The following RCBTB1 variants were observed in gnomAD, a reference collection of about 807,000 sequenced individuals.
The protein encoded by RCBTB1 is RCC1 and BTB domain-containing protein 1.
RCBTB1 carries 46 observed loss-of-function variants against 62.4 expected under a neutral mutation model. The ratio of observed to expected loss-of-function variants is 0.74; its 90% CI spans 0.58 to 0.94. The LOEUF is 0.94. Among genes scored for constraint, RCBTB1 ranks in the 40% least tolerant of loss-of-function variants. The pLI is 0.00. For missense variants in RCBTB1, 565 were observed against 654.9 expected, an observed-to-expected ratio of 0.86 and a Z score of 1.50; for synonymous variants, 222 against 245.8, an observed-to-expected ratio of 0.90 and a Z score of 0.91.
chr13:49,567,252 A>G lies in RCBTB1; in HGVS notation c.28T>C (p.Phe10Leu), dbSNP rs368583726. Residue 10 changes from phenylalanine (F) to leucine (L), a missense_variant, in exon 3 of 13, where the codon TTC becomes CTC. Transcript: ENST00000378302. MVDVGKWPI[F>L]TLLSPQEIAS... Reference sequence around the variant, plus strand: ...ATCTCTTGAGGGGAGAGTAGAGTGAAGATGGGCCACTTTCCGACATCCACC... The same window carrying G: ...ATCTCTTGAGGGGAGAGTAGAGTGAGGATGGGCCACTTTCCGACATCCACC... The G allele has an allele frequency of 6.8e-6, 11 of 1,613,952 alleles. No individual in the cohort carries two copies. The African/African-American group carries it at 1.2e-4, about 18-fold the overall frequency.
intron 8 of RCBTB1, chr13:49,551,039 G>T (rs1406622286): frequency 6.2e-6 from 2 of 324,324 alleles, no homozygotes; most frequent in East Asian, 1.5e-4. Context: ...CGAAGTGAAG[G>T]TTGCAGTGAG....
rs1964042394 is a variant in RCBTB1 at position 49,580,593 on chromosome 13, G to GA, written c.-121-10dup. 2 of 151,956 alleles carry GA rather than the reference G, an allele frequency of 1.3e-5. No homozygotes were observed. Among genetic ancestry groups the GA allele is most frequent in the African/African-American group, 4.8e-5 (2 of 41,394 alleles). The allele number at this position is 151,956 out of a possible 1,614,324, so 9.4% of individuals were successfully genotyped here. A position where few individuals can be genotyped will look rare whatever the true frequency, so the allele number is the denominator to read the frequency against. ...AGAGAGCAAGATCCTGTCTGAAAAA[G>GA]AAAAAAGAAATGGATAAAACATAAT... On this transcript the variant is annotated splice_polypyrimidine_tract_variant and intron_variant, in intron 1 of 12. Coordinates refer to ENST00000378302, the MANE Select transcript of RCBTB1 (RefSeq NM_018191.4).
rs1282922927 is a variant in RCBTB1, at chr13:49,532,282, G to T, written c.*1840C>A. On this transcript the variant is annotated 3_prime_UTR_variant, in exon 13 of 13. Transcript: ENST00000378302. Reference sequence around the variant, plus strand: ...ACTTAGTAATCTAATATGAGAAGTGGTCCTTCACTTATATTAGGAACTTGG... The same window carrying T: ...ACTTAGTAATCTAATATGAGAAGTGTTCCTTCACTTATATTAGGAACTTGG... The T allele has an allele frequency of 6.6e-6, 1 of 152,560 alleles. No homozygotes were observed. Among genetic ancestry groups the T allele is most frequent in the African/African-American group, 2.4e-5 (1 of 41,424 alleles). 9.5% of individuals were successfully genotyped at this position (152,560 alleles called of 1,614,324 possible).
In RCBTB1 at chr13:49,555,535, C is replaced by A. The variant is rs762610170; in HGVS notation, c.583G>T (p.Ala195Ser). The A allele has an allele frequency of 6.2e-7, 1 of 1,613,950 alleles. No individual in the cohort carries two copies. Among genetic ancestry groups the A allele is most frequent in the Non-Finnish European group, 8.5e-7 (1 of 1,179,836 alleles). ...CTCACCTCGCCATTGTCCAGAACAG[C>A]CATGGATGAAGTCTGACCACAGGCA... ...GIACGQTSSM[A>S]VLDNGEVYGW... Residue 195 changes from alanine to serine, a missense_variant, in exon 6 of 13, where the codon GCT becomes TCT. Coordinates refer to ENST00000378302, the MANE Select transcript of RCBTB1 (RefSeq NM_018191.4).
At chr13:49,569,951 A>C (rs1474546841) in intron 2 of RCBTB1, among the ~76,000 whole-genome samples, 1 of 152,138 alleles carries the variant, frequency 6.6e-6, no homozygotes, top group African/African-American at 2.4e-5. Context: ...GATGCCCCTC[A>C]AACGACCTCT....
At chr13:49,562,915 A>G (rs1962565713) in intron 4 of RCBTB1, among the ~76,000 whole-genome samples, 1 of 151,008 alleles carries the variant, frequency 6.6e-6, no homozygotes, top group South Asian at 2.1e-4. Context: ...ATGAGCCACC[A>G]CACACAGCCA....
intron 6 of RCBTB1, among the ~76,000 whole-genome samples, chr13:49,554,030 C>T (rs1290226962): frequency 6.6e-6 from 1 of 152,070 alleles, no homozygotes; most frequent in Non-Finnish European, 1.5e-5. Context: ...TCACAGAAGC[C>T]AAAGTCAGCA....
At position 49,549,823 on chromosome 13, in the gene RCBTB1, T is replaced by C; in HGVS notation, c.855-175A>G. ...GCAACAGATCAGGGCAAGAGCACTG[T>C]TCTCCTTTCCCAAATGCCCACTTCT... On this transcript the variant is annotated intron_variant, in intron 8 of 12. Coordinates refer to ENST00000378302, the MANE Select transcript of RCBTB1 (RefSeq NM_018191.4). 4.1e-6 allele frequency: 4 copies of C among 985,282 alleles called. No homozygotes were observed. In the South Asian group the frequency reaches 1.9e-4, roughly 46 times the overall value. 61.0% of individuals were successfully genotyped at this position (985,282 alleles called of 1,614,324 possible). A position where few individuals can be genotyped will look rare whatever the true frequency, so the allele number is the denominator to read the frequency against.
At chr13:49,540,308 G>A (rs1463129745) in intron 12 of RCBTB1, among the ~76,000 whole-genome samples, 2 of 152,124 alleles carry the variant, frequency 1.3e-5, no homozygotes, top group Non-Finnish European at 2.9e-5. Context: ...CAAACTTTCA[G>A]ACTCCCCAAA....
rs1486423124 is a variant in RCBTB1 at position 49,533,402 on chromosome 13, ATTTC to A, written c.*716_*719del. The A allele has an allele frequency of 6.6e-6, 1 of 152,190 alleles. No individual in the cohort carries two copies. Among genetic ancestry groups the A allele is most frequent in the Non-Finnish European group, 1.5e-5 (1 of 68,030 alleles). The allele number at this position is 152,190 out of a possible 1,614,324, so 9.4% of individuals were successfully genotyped here. A position where few individuals can be genotyped will look rare whatever the true frequency, so the allele number is the denominator to read the frequency against. ...TTTATAAAATATTCACCTTCATCAA[ATTTC>A]TTTCATTATCAACTTTTCACGGATA... On this transcript the variant is annotated 3_prime_UTR_variant, in exon 13 of 13. Coordinates refer to ENST00000378302, the MANE Select transcript of RCBTB1 (RefSeq NM_018191.4).
intron 4 of RCBTB1, among the ~76,000 whole-genome samples, chr13:49,564,885 C>T (rs1378807570): frequency 1.5e-5 from 2 of 137,484 alleles, no homozygotes; most frequent in African/African-American, 3.1e-5. Context: ...AGAGAGACTC[C>T]GTCTCAAAAA....
intron 9 of RCBTB1, among the ~76,000 whole-genome samples, chr13:49,547,929 A>G (rs1467633536): frequency 8.3e-6 from 1 of 120,800 alleles, no homozygotes; most frequent in Non-Finnish European, 1.7e-5. Context: ...CTGATACTAC[A>G]GGCAGGCACC....
intron 9 of RCBTB1, chr13:49,546,131 AC>A: frequency 1.0e-6 from 1 of 984,914 alleles, no homozygotes; most frequent in Non-Finnish European, 1.2e-6. Context: ...CTAGATTGCT[AC>A]CCCCACCCAT....
At chr13:49,551,962 T>G (rs796283520) in intron 7 of RCBTB1, among the ~76,000 whole-genome samples, 33,756 of 147,554 alleles carry the variant, frequency 0.23, 5,011 homozygotes, top group African/African-American at 0.41. Context: ...TTTTCCATTT[T>G]TTTTTTTTTT....
chr13:49,534,511 C>T (rs75081475), intron 12 of RCBTB1, among the ~76,000 whole-genome samples: 4,084 of 151,508 alleles, frequency 0.027, 185 homozygotes, highest in African/African-American at 0.094. Flanking sequence ...CACACACGCG[C>T]GCGCACACAC....
In RCBTB1 at chr13:49,544,683, T is replaced by C. The variant is rs936548008; in HGVS notation, c.1172+54A>G. Reference sequence around the variant, plus strand: ...TTTTATCAGTACTCATTTTGTGGAATAACAAAGAAAGAAAAGTCAAGTTAT... The same window carrying C: ...TTTTATCAGTACTCATTTTGTGGAACAACAAAGAAAGAAAAGTCAAGTTAT... On this transcript the variant is annotated intron_variant, in intron 10 of 12. Coordinates refer to ENST00000378302, the MANE Select transcript of RCBTB1 (RefSeq NM_018191.4). The C allele has an allele frequency of 5.4e-5, 81 of 1,490,918 alleles. No homozygotes were observed. In the South Asian group the frequency reaches 9.5e-4, roughly 18 times the overall value. The allele number at this position is 1,490,918 out of a possible 1,614,324, so 92.4% of individuals were successfully genotyped here.
chr13:49,542,222 A>T (rs937306693), intron 10 of RCBTB1, among the ~76,000 whole-genome samples: 2 of 152,120 alleles, frequency 1.3e-5, no homozygotes, highest in African/African-American at 4.8e-5. Flanking sequence ...TCAAAAAAAA[A>T]AAAAAAGTAA....
At chr13:49,569,820 T>C (rs1262607954) in intron 2 of RCBTB1, among the ~76,000 whole-genome samples, 1 of 151,962 alleles carries the variant, frequency 6.6e-6, no homozygotes, top group Non-Finnish European at 1.5e-5. Flanking sequence ...GGTGAGAGGA[T>C]TGCTTGAACC....
At chr13:49,534,583 T>C (rs1008446608) in intron 12 of RCBTB1, among the ~76,000 whole-genome samples, 2 of 152,234 alleles carry the variant, frequency 1.3e-5, no homozygotes, top group Non-Finnish European at 2.9e-5. Context: ...AATCTAGTTA[T>C]GCTCAAAGAC....
Sources: allele counts gnomAD v4.1 joint callset (sites outside exome capture counted in the v4.1 genomes callset), GRCh38; gene constraint gnomAD v4.1.1; transcripts MANE v1.5; gene names NCBI Gene and HGNC (gene_info 2026-07-23, HGNC 2026-07-21).